Variants in FBXO46 observed in about 807,000 individuals in gnomAD.
FBXO46 encodes F-box only protein 46.
Under a neutral mutation model 30.7 loss-of-function variants are expected in FBXO46, and 13 were observed. The observed-to-expected ratio is 0.42, with a 90% CI of 0.28 to 0.67. FBXO46 has a LOEUF of 0.67. FBXO46 is among the 30% of genes least tolerant of loss of function. FBXO46 has a pLI of 0.21. For missense variants in FBXO46, 754 were observed against 871.5 expected (o/e 0.87, Z 1.70); for synonymous variants, 467 against 385.8 (o/e 1.21, Z -2.47).
chr19:45,723,422 G>A (rs1968199242), intron 1 of FBXO46: 1 of 152,156 alleles, frequency 6.6e-6, no homozygotes, highest in Admixed American at 6.6e-5. Flanking sequence ...GGGAATGAAC[G>A]CTAATTTTCC....
intron 1 of FBXO46, among the ~76,000 whole-genome samples, 170 bp downstream of exon 1, chr19:45,730,679 C>A (rs1208741912): frequency 3.3e-5 from 5 of 152,004 alleles, no homozygotes; most frequent in Non-Finnish European, 7.4e-5. Context: ...CCTCCCCAAG[C>A]CACCATTCTT....
At chr19:45,725,159 G>A (rs752352070) in intron 1 of FBXO46, among the ~76,000 whole-genome samples, 1 of 151,892 alleles carries the variant, frequency 6.6e-6, no homozygotes, top group South Asian at 2.1e-4. Context: ...GCTCAACCCT[G>A]TAATTCTAGC....
intron 1 of FBXO46, among the ~76,000 whole-genome samples, chr19:45,729,001 C>T (rs767324274): frequency 1.2e-4 from 19 of 152,036 alleles, no homozygotes; most frequent in Non-Finnish European, 2.4e-4. Flanking sequence ...ATCTCAGCTA[C>T]TCGGGAGGCT....
At position 45,711,492 on chromosome 19, in the gene FBXO46, A is replaced by G. The variant is rs1238876119; in HGVS notation, c.*192T>C. 2.9e-6 allele frequency: 2 copies of G among 701,078 alleles called. No homozygotes were observed. The highest frequency in any genetic ancestry group is 3.0e-5 in the South Asian group (2 of 66,754). The allele number at this position is 701,078 out of a possible 1,614,324, so 43.4% of individuals were successfully genotyped here. A position where few individuals can be genotyped will look rare whatever the true frequency, so the allele number is the denominator to read the frequency against. Reference sequence around the variant, plus strand: ...AGAGGGTCCACGGCCCTGGTTCTGAAGAGTAGAAAATCAACAGGATCAAGC... The same window carrying G: ...AGAGGGTCCACGGCCCTGGTTCTGAGGAGTAGAAAATCAACAGGATCAAGC... On this transcript the variant is annotated 3_prime_UTR_variant, in exon 2 of 2. Coordinates refer to ENST00000317683, the MANE Select transcript of FBXO46 (RefSeq NM_001080469.2).
chr19:45,720,435 A>G (rs1968153682), intron 1 of FBXO46, among the ~76,000 whole-genome samples: 1 of 151,794 alleles, frequency 6.6e-6, no homozygotes, highest in Admixed American at 6.6e-5. Context: ...ACCTGGCCTA[A>G]TATTTGTATT....
chr19:45,724,169 A>G (rs1299746940), intron 1 of FBXO46, among the ~76,000 whole-genome samples: 1 of 152,200 alleles, frequency 6.6e-6, no homozygotes, highest in Non-Finnish European at 1.5e-5. Flanking sequence ...AATGAAGGCA[A>G]CGGAAAACAA....
intron 1 of FBXO46, chr19:45,715,393 A>G (rs1409238798): frequency 6.6e-6 from 1 of 152,200 alleles, no homozygotes; most frequent in Non-Finnish European, 1.5e-5. Context: ...TTCATCTTCA[A>G]CAGCAGAGCT....
rs1229312254 is a variant in FBXO46 at position 45,712,157 on chromosome 19, G to A, written c.1339C>T (p.Arg447Cys). 5 of 1,595,058 alleles carry A rather than the reference G, an allele frequency of 3.1e-6. No individual in the cohort carries two copies. Among genetic ancestry groups the A allele is most frequent in the Admixed American group, 3.5e-5 (2 of 56,622 alleles). The change falls in exon 2 of 2, where the codon CGC (arginine) becomes TGC (cysteine). Residue 447 changes from arginine (R) to cysteine (C), a missense_variant. Arg to Cys is a radical substitution (Grantham distance 180). Around this residue, in one of 5 missense-constraint regions of FBXO46, gnomAD observed 162 missense variants for 258.7 expected, o/e 0.63. Coordinates refer to ENST00000317683, the MANE Select transcript of FBXO46 (RefSeq NM_001080469.2). This position sits in a 1 kb window ranked among gnomAD's most constrained non-coding sequence, Gnocchi z 8.8. ...AEGTADTSLC[R>C]LYRHVSHDFL... Reference sequence around the variant, plus strand: ...TCGTGCGACACGTGCCGGTACAAGCGGCACAGGGAGGTGTCCGCCGTGCCC... The same window carrying A: ...TCGTGCGACACGTGCCGGTACAAGCAGCACAGGGAGGTGTCCGCCGTGCCC...
chr19:45,712,655 C>G lies in FBXO46; in HGVS notation c.841G>C (p.Gly281Arg), dbSNP rs370941476. The G allele has an allele frequency of 2.5e-6, 4 of 1,611,142 alleles. No homozygotes were observed. The highest frequency in any genetic ancestry group is 3.4e-6 in the Non-Finnish European group (4 of 1,178,578). ...PRAPDSGLPS[G>R]GGGRPGCAYP... The stretch of plus-strand genomic sequence containing the variant: ...GCACAACCAGGCCTGCCCCCGCCCC[C>G]ACTGGGCAGGCCGCTGTCTGGTGCA... Residue 281 changes from glycine (G) to arginine (R), a missense_variant, in exon 2 of 2, where the codon GGG (glycine) becomes CGG (arginine). Physicochemically the swap from Gly to Arg is moderately radical, Grantham distance 125. Transcript: ENST00000317683. The surrounding 1 kb of genome is among the most constrained non-coding windows in gnomAD (Gnocchi z 8.8).
rs769637561 is a variant in FBXO46, at chr19:45,712,729, G to C, written c.767C>G (p.Pro256Arg). 2 of 1,611,952 alleles carry C rather than the reference G, an allele frequency of 1.2e-6. No homozygotes were observed. The highest frequency in any genetic ancestry group is 1.3e-5 in the African/African-American group (1 of 74,880). ...GCGGAAGGCGATGCGCACCTCCCCA[G>C]GGCCTGGCCCGGGCCGCTCTTCCTT... ...LRKEERPGPGPGEVRIAFRIS... is the reference protein window; with the variant it reads ...LRKEERPGPGRGEVRIAFRIS... The change falls in exon 2 of 2, where the codon CCT (proline) becomes CGT (arginine). Residue 256 changes from proline (P) to arginine (R), a missense_variant. By Grantham distance (103) the Pro-to-Arg change is moderately radical. Coordinates refer to ENST00000317683, the MANE Select transcript of FBXO46 (RefSeq NM_001080469.2). This position sits in a 1 kb window ranked among gnomAD's most constrained non-coding sequence, Gnocchi z 8.8.
rs752705853 is a variant in FBXO46 at position 45,712,883 on chromosome 19, C to G, written c.613G>C (p.Glu205Gln). 2.4e-5 allele frequency: 39 copies of G among 1,613,320 alleles called. No individual in the cohort carries two copies. In the African/African-American group the frequency reaches 3.3e-4, roughly 14 times the overall value. ...ACCCCCTTGGCCGGTCCACCTTGCT[C>G]GGCGGACACAAAGACTACAGGCGCT... ...TPAPVVFVSA[E>Q]QGGPAKGVGS... Residue 205 changes from glutamate to glutamine, a missense_variant, in exon 2 of 2, where the codon GAG becomes CAG. By Grantham distance (29) the Glu-to-Gln change is conservative. Around this residue, in one of 5 missense-constraint regions of FBXO46, gnomAD observed 454 missense variants for 426.5 expected, o/e 1.06. Transcript: ENST00000317683. The surrounding 1 kb of genome is among the most constrained non-coding windows in gnomAD (Gnocchi z 8.8).
intron 1 of FBXO46, among the ~76,000 whole-genome samples, chr19:45,729,928 C>T (rs1968287198): frequency 6.6e-6 from 1 of 152,138 alleles, no homozygotes; most frequent in Non-Finnish European, 1.5e-5. Flanking sequence ...ACCTGTAACC[C>T]AGTCACATTC....
chr19:45,713,013 G>A lies in FBXO46; in HGVS notation c.483C>T (p.Ala161=), dbSNP rs770079940. Residue 161 remains alanine (A), a synonymous_variant, in exon 2 of 2, where the codon GCC becomes GCT. Coordinates refer to ENST00000317683, the MANE Select transcript of FBXO46 (RefSeq NM_001080469.2). The surrounding 1 kb of genome is among the most constrained non-coding windows in gnomAD (Gnocchi z 4.7). ...GCAGGTCCACGTCCTCACCGGCTGA[G>A]GCGGGGCCCTCCTCAGCAGCAGGGG... ...EGPPAAEEGP[A]SAGEDVDLLS... 1.9e-6 allele frequency: 3 copies of A among 1,558,110 alleles called. No homozygotes were observed. The South Asian group carries it at 3.5e-5, about 18-fold the overall frequency.
intron 1 of FBXO46, among the ~76,000 whole-genome samples, chr19:45,722,803 GTAA>G (rs1210252612): frequency 6.7e-6 from 1 of 150,094 alleles, no homozygotes; most frequent in Non-Finnish European, 1.5e-5. Context: ...ACTCATGCTT[GTAA>G]TCCCAGCACC....
intron 1 of FBXO46, among the ~76,000 whole-genome samples, chr19:45,721,656 A>G (rs1033003067): frequency 4.0e-4 from 59 of 147,080 alleles, no homozygotes; most frequent in African/African-American, 1.5e-3. Context: ...GGGTTCAAGC[A>G]ATTCTCCTGC....
In FBXO46 at chr19:45,711,927, C is replaced by T; in HGVS notation, c.1569G>A (p.Pro523=). The T allele has an allele frequency of 6.2e-7, 1 of 1,613,382 alleles. No individual in the cohort carries two copies. The highest frequency in any genetic ancestry group is 8.5e-7 in the Non-Finnish European group (1 of 1,179,818). ...GTTTGCACGGATCATCGCGGTAGAGCGGGTCTCGGCTCCAGCGCGAGTCTG... is the reference window on the plus strand; with the variant it reads ...GTTTGCACGGATCATCGCGGTAGAGTGGGTCTCGGCTCCAGCGCGAGTCTG... The part of the protein sequence containing the change: ...RATDSRWSRD[P]LYRDDPCKQC... The change falls in exon 2 of 2, where the codon CCG becomes CCA. Residue 523 remains proline, a synonymous_variant. Transcript: ENST00000317683.
intron 1 of FBXO46, among the ~76,000 whole-genome samples, chr19:45,721,605 TGCAGTG>T (rs1279920843): frequency 7.0e-6 from 1 of 143,596 alleles, no homozygotes; most frequent in East Asian, 2.1e-4. Flanking sequence ...CAGGCTGGAG[TGCAGTG>T]GCACGATCTC....
At position 45,711,576 on chromosome 19, in the gene FBXO46, T is replaced by C; in HGVS notation, c.*108A>G. Reference sequence around the variant, plus strand: ...CAGCTCAGTTCCGGTGAGGGATCAATGCTGCCTGGAGTAGGGGAATGGGCA... The same window carrying C: ...CAGCTCAGTTCCGGTGAGGGATCAACGCTGCCTGGAGTAGGGGAATGGGCA... On this transcript the variant is annotated 3_prime_UTR_variant, in exon 2 of 2. Transcript: ENST00000317683. The C allele has an allele frequency of 1.1e-6, 1 of 872,454 alleles. No homozygotes were observed. The highest frequency in any genetic ancestry group is 1.7e-5 in the African/African-American group (1 of 60,538). The allele number at this position is 872,454 out of a possible 1,614,324, so 54.0% of individuals were successfully genotyped here. A position where few individuals can be genotyped will look rare whatever the true frequency, so the allele number is the denominator to read the frequency against.
Position 45,712,103 on chromosome 19 carries a change from G to C in FBXO46, c.1393C>G (p.Arg465Gly), listed in dbSNP as rs1490979535. 11 of 1,601,898 alleles carry C rather than the reference G, an allele frequency of 6.9e-6. No individual in the cohort carries two copies. Among genetic ancestry groups the C allele is most frequent in the Non-Finnish European group, 9.4e-6 (11 of 1,174,970 alleles). Residue 465 changes from arginine to glycine, a missense_variant, in exon 2 of 2, where the codon CGG (arginine) becomes GGG (glycine). Arg to Gly is a moderately radical substitution (Grantham distance 125, BLOSUM62 -2). Coordinates refer to ENST00000317683, the MANE Select transcript of FBXO46 (RefSeq NM_001080469.2). The surrounding 1 kb of genome is among the most constrained non-coding windows in gnomAD (Gnocchi z 8.8). Reference protein sequence around the residue: ...DFLEIRFKIQRLLEPRQYMLL... With the variant: ...DFLEIRFKIQGLLEPRQYMLL... The stretch of plus-strand genomic sequence containing the variant: ...ATGTACTGTCGCGGCTCCAGCAGCC[G>C]CTGAATCTTGAAGCGGATCTCTAGG...
Sources: gnomAD v4.1 joint callset for allele counts (sites outside exome capture counted in the v4.1 genomes callset) on GRCh38, gnomAD v4.1.1 for gene constraint, gnomAD v4.1.1 regional missense constraint, Gnocchi (gnomAD v3.1) non-coding constraint, MANE v1.5 for transcripts, NCBI Gene and HGNC (gene_info 2026-07-23, HGNC 2026-07-21) for gene names.